Variants in ADTRP observed in about 807,000 individuals in gnomAD.
The protein encoded by ADTRP is androgen-dependent TFPI-regulating protein.
In ADTRP, 20 loss-of-function variants were observed where a neutral mutation model predicts 27.0. The ratio of observed to expected loss-of-function variants is 0.74; its 90% CI spans 0.52 to 1.08. The LOEUF (loss-of-function observed/expected upper bound fraction) is 1.08, where lower values mean the gene tolerates loss of function less well. Ranked by LOEUF, ADTRP falls within the 50% of genes least tolerant of loss-of-function variation. ADTRP has a pLI of 0.00. For synonymous variants in ADTRP, 101 were observed against 105.2 expected (o/e 0.96, Z 0.25); for missense variants, 251 against 275.0 (o/e 0.91, Z 0.62).
At chr6:11,749,417 A>G (rs1003453220) in intron 3 of ADTRP, among the ~76,000 whole-genome samples, 1 of 152,190 alleles carries the variant, frequency 6.6e-6, no homozygotes, top group Non-Finnish European at 1.5e-5. Context: ...GCAGCTAGCT[A>G]TGCAAATCTG....
intron 5 of ADTRP, among the ~76,000 whole-genome samples, chr6:11,716,629 G>C (rs752105182): frequency 2.1e-4 from 32 of 152,056 alleles, no homozygotes; most frequent in Non-Finnish European, 1.5e-4. Flanking sequence ...GCGGGTCTTA[G>C]TCTTGAATTC....
At chr6:11,734,493 G>A (rs1331910760) in intron 4 of ADTRP, among the ~76,000 whole-genome samples, 3 of 152,190 alleles carry the variant, frequency 2.0e-5, no homozygotes, top group Non-Finnish European at 4.4e-5. Flanking sequence ...GATTTATTGA[G>A]CAAGTGCTTT....
intron 1 of ADTRP, among the ~76,000 whole-genome samples, chr6:11,770,629 GA>G (rs1217907122): frequency 2.0e-5 from 3 of 152,140 alleles, no homozygotes; most frequent in African/African-American, 7.2e-5. Flanking sequence ...GTGTCCCAGG[GA>G]GGGGTGGGGC....
At chr6:11,717,531 C>T in intron 5 of ADTRP, 2 of 1,123,132 alleles carry the variant, frequency 1.8e-6, no homozygotes, top group Non-Finnish European at 2.3e-6. Context: ...ACATAGTATT[C>T]TCAAAGATTT....
intron 4 of ADTRP, among the ~76,000 whole-genome samples, chr6:11,723,729 C>T (rs958174052): frequency 6.6e-6 from 1 of 152,060 alleles, no homozygotes; most frequent in Non-Finnish European, 1.5e-5. Context: ...GCTGTTTTAC[C>T]TAATCCACTT....
intron 1 of ADTRP, among the ~76,000 whole-genome samples, chr6:11,773,570 G>A (rs1035627391): frequency 1.3e-5 from 2 of 152,328 alleles, no homozygotes; most frequent in African/African-American, 4.8e-5. Context: ...AACCTTGGTC[G>A]AGGCAGCTCC....
intron 3 of ADTRP, among the ~76,000 whole-genome samples, chr6:11,764,163 G>A (rs757559499): frequency 6.6e-5 from 10 of 152,184 alleles, no homozygotes; most frequent in Non-Finnish European, 1.2e-4. Context: ...AAGCATCTCC[G>A]TTGCACAGTA....
At chr6:11,777,052 G>A (rs545623173) in intron 1 of ADTRP, among the ~76,000 whole-genome samples, 1 of 152,316 alleles carries the variant, frequency 6.6e-6, no homozygotes, top group South Asian at 2.1e-4. Flanking sequence ...ACAGTAGTAA[G>A]GTTGAAGAAG....
intron 1 of ADTRP, among the ~76,000 whole-genome samples, chr6:11,770,596 A>G (rs1763739609): frequency 6.6e-6 from 1 of 152,088 alleles, no homozygotes; most frequent in African/African-American, 2.4e-5. Flanking sequence ...CCTGGGGTGG[A>G]GGAGCTTTCG....
chr6:11,739,640 A>C (rs2113912388), intron 3 of ADTRP, among the ~76,000 whole-genome samples: 1 of 152,364 alleles, frequency 6.6e-6, no homozygotes, highest in Admixed American at 6.5e-5. Context: ...TGCATGAGTG[A>C]CAACATGGAA....
chr6:11,721,936 A>G (rs1257851002), intron 5 of ADTRP, among the ~76,000 whole-genome samples: 1 of 152,206 alleles, frequency 6.6e-6, no homozygotes, highest in African/African-American at 2.4e-5. Flanking sequence ...ATTGAACTCA[A>G]TACAATTGAT....
At chr6:11,760,309 AGT>A (rs1265174200) in intron 3 of ADTRP, among the ~76,000 whole-genome samples, 1 of 152,188 alleles carries the variant, frequency 6.6e-6, no homozygotes, top group African/African-American at 2.4e-5. Flanking sequence ...GAAATTGCCA[AGT>A]CCAGTGGAAA....
chr6:11,770,938 A>G (rs2113347036), intron 1 of ADTRP, among the ~76,000 whole-genome samples: 1 of 152,278 alleles, frequency 6.6e-6, no homozygotes, highest in East Asian at 1.9e-4. Context: ...AATTAATCCC[A>G]TCCTGAGCCT....
intron 1 of ADTRP, 94 bp from the exon 2 acceptor site, chr6:11,768,477 G>C: frequency 6.7e-7 from 1 of 1,497,130 alleles, no homozygotes; most frequent in South Asian, 1.3e-5. Context: ...GAGTAATGTG[G>C]CTTTGAGAGG....
At chr6:11,728,610 G>T (rs12175871) in intron 4 of ADTRP, 9,476 of 152,266 alleles carry the variant, frequency 0.062, 793 homozygotes, top group East Asian at 0.46. Context: ...AAATGCTTAC[G>T]CCAGGTGCTT....
intron 3 of ADTRP, among the ~76,000 whole-genome samples, chr6:11,758,576 G>GGT (rs1554114779): frequency 6.1e-5 from 1 of 16,326 alleles, no homozygotes; most frequent in South Asian, 3.8e-3. Context: ...GTTGTGGGGT[G>GGT]GGGGGGGGGG....
chr6:11,753,652 C>T (rs942939492), intron 3 of ADTRP, among the ~76,000 whole-genome samples: 7 of 152,078 alleles, frequency 4.6e-5, no homozygotes, highest in African/African-American at 1.7e-4. Context: ...AACTAAACTC[C>T]CTGTGCCAAT....
chr6:11,755,085 C>T, intron 3 of ADTRP: 8 of 985,408 alleles, frequency 8.1e-6, no homozygotes, highest in Non-Finnish European at 9.6e-6. Context: ...GGGTGTTACA[C>T]ATGGTTGCCA....
At chr6:11,772,796 T>C (rs1763827599) in intron 1 of ADTRP, among the ~76,000 whole-genome samples, 1 of 152,204 alleles carries the variant, frequency 6.6e-6, no homozygotes, top group Non-Finnish European at 1.5e-5. Flanking sequence ...GTATGGAATA[T>C]AGGATTTCTG....
Sources: allele counts gnomAD v4.1 joint callset (sites outside exome capture counted in the v4.1 genomes callset), GRCh38; gene constraint gnomAD v4.1.1; transcripts MANE v1.5; gene names NCBI Gene and HGNC (gene_info 2026-07-23, HGNC 2026-07-21).